PPTC7: variants seen among roughly 807,000 people sequenced by gnomAD.
PPTC7 encodes the protein protein phosphatase PTC7 homolog.
In PPTC7, 6 loss-of-function variants were observed where a neutral mutation model predicts 30.8. That is an observed-to-expected ratio of 0.19 (90% CI 0.11 to 0.38). The LOEUF is 0.38. Among genes scored for constraint, PPTC7 ranks in the 10% least tolerant of loss-of-function variants. PPTC7 has a pLI of 1.00. For synonymous variants in PPTC7, 163 were observed against 168.1 expected (o/e 0.97, Z 0.23); for missense variants, 218 against 404.8 (o/e 0.54, Z 3.96).
intron 1 of PPTC7, among the ~76,000 whole-genome samples, chr12:110,559,955 T>C (rs2064424835): frequency 6.6e-6 from 1 of 152,110 alleles, no homozygotes; most frequent in African/African-American, 2.4e-5. Flanking sequence ...CTTGAACTCC[T>C]AGGCTGAAGT....
chr12:110,572,705 T>C (rs1231607824), intron 1 of PPTC7, among the ~76,000 whole-genome samples: 3 of 152,076 alleles, frequency 2.0e-5, no homozygotes, highest in Non-Finnish European at 4.4e-5. Flanking sequence ...ATTCTAGAAC[T>C]TATTCACCTC....
Position 110,582,784 on chromosome 12 carries a change from C to T in PPTC7, c.223+25G>A, listed in dbSNP as rs752713063. On this transcript the variant is annotated intron_variant, in intron 1 of 5. Coordinates refer to ENST00000354300, the MANE Select transcript of PPTC7 (RefSeq NM_139283.2). ...CCGGGAGGCGGATCCGAGGCTGGGGCAAGGGAACCGGGTCGGGGACTCACC... is the reference window on the plus strand; with the variant it reads ...CCGGGAGGCGGATCCGAGGCTGGGGTAAGGGAACCGGGTCGGGGACTCACC... The T allele has an allele frequency of 7.2e-6, 11 of 1,529,040 alleles. No individual in the cohort carries two copies. In the South Asian group the frequency reaches 7.3e-5, roughly 10 times the overall value. The allele number at this position is 1,529,040 out of a possible 1,614,324, so 94.7% of individuals were successfully genotyped here.
Position 110,559,036 on chromosome 12 carries a change from CTTTTTT to C in PPTC7, c.224-7074_224-7069del, listed in dbSNP as rs552166676. 6.3e-3 allele frequency among the ~76,000 whole-genome samples: 948 copies of C among 150,790 alleles called. 6 individuals are homozygous for C. The highest frequency in any genetic ancestry group is 9.1e-3 in the Non-Finnish European group (615 of 67,580). ...ATAGACTGATGCTTTTTCCCTTTTT[CTTTTTT>C]TAACAGCATCCTGCTCTGTCACCCA... On this transcript the variant is annotated intron_variant, in intron 1 of 5. Coordinates refer to ENST00000354300, the MANE Select transcript of PPTC7 (RefSeq NM_139283.2).
intron 4 of PPTC7, 143 bp from the exon 5 acceptor site, chr12:110,538,416 C>T: frequency 1.4e-6 from 1 of 716,234 alleles, no homozygotes; most frequent in East Asian, 2.8e-5. Flanking sequence ...AACAAGACTC[C>T]AGTGCTGCCT....
At chr12:110,549,793 A>T (rs1309988919) in intron 2 of PPTC7, among the ~76,000 whole-genome samples, 1 of 152,142 alleles carries the variant, frequency 6.6e-6, no homozygotes, top group African/African-American at 2.4e-5. Flanking sequence ...TCTCAAGTCA[A>T]AGTAAATGAT....
chr12:110,556,953 A>G (rs2064393563), intron 1 of PPTC7, among the ~76,000 whole-genome samples: 1 of 152,230 alleles, frequency 6.6e-6, no homozygotes, highest in South Asian at 2.1e-4. Context: ...GGCAGGGGTC[A>G]GCCAGATTTC....
chr12:110,544,618 G>A (rs965148768), intron 3 of PPTC7, among the ~76,000 whole-genome samples: 2 of 152,140 alleles, frequency 1.3e-5, no homozygotes, highest in African/African-American at 2.4e-5. Flanking sequence ...GGTGGATCAC[G>A]AGGTCAGGAG....
At chr12:110,537,355 ACCACAC>A (rs2064226602) in intron 5 of PPTC7, among the ~76,000 whole-genome samples, 1 of 152,120 alleles carries the variant, frequency 6.6e-6, no homozygotes, top group Non-Finnish European at 1.5e-5. Flanking sequence ...TCAAACAGCC[ACCACAC>A]CCTCTGTTCA....
intron 1 of PPTC7, among the ~76,000 whole-genome samples, chr12:110,555,214 C>T (rs1191215050): frequency 6.6e-6 from 1 of 152,208 alleles, no homozygotes; most frequent in African/African-American, 2.4e-5. Context: ...AATTGGAAGA[C>T]ATAAAGAAGG....
At chr12:110,564,772 A>ATATGTATATGTG (rs1434225254) in intron 1 of PPTC7, among the ~76,000 whole-genome samples, 1 of 139,364 alleles carries the variant, frequency 7.2e-6, no homozygotes, top group East Asian at 2.1e-4. Flanking sequence ...ATATACACGT[A>ATATGTATATGTG]TATATATACA....
chr12:110,542,019 G>A (rs2064265011), intron 3 of PPTC7, among the ~76,000 whole-genome samples: 1 of 151,740 alleles, frequency 6.6e-6, no homozygotes, highest in African/African-American at 2.4e-5. Flanking sequence ...GGTGGCGTGC[G>A]CCTATAATCC....
rs978645153 is a variant in PPTC7 at position 110,538,011 on chromosome 12, C to G, written c.856+133G>C. On this transcript the variant is annotated intron_variant, in intron 5 of 5. Coordinates refer to ENST00000354300, the MANE Select transcript of PPTC7 (RefSeq NM_139283.2). Reference sequence around the variant, plus strand: ...ACTTGCTCTCATCCTCCTGACCTTGCTGAAAGCCACAAGTGCACAGTTTGG... The same window carrying G: ...ACTTGCTCTCATCCTCCTGACCTTGGTGAAAGCCACAAGTGCACAGTTTGG... 4 of 874,802 alleles carry G rather than the reference C, an allele frequency of 4.6e-6. No individual in the cohort carries two copies. The African/African-American group carries it at 6.8e-5, about 15-fold the overall frequency. The allele number at this position is 874,802 out of a possible 1,614,324, so 54.2% of individuals were successfully genotyped here. A position where few individuals can be genotyped will look rare whatever the true frequency, so the allele number is the denominator to read the frequency against.
At chr12:110,559,730 GA>G (rs770672237) in intron 1 of PPTC7, among the ~76,000 whole-genome samples, 2,149 of 89,686 alleles carry the variant, frequency 0.024, 13 homozygotes, top group Middle Eastern at 0.075. Flanking sequence ...AGCCTCAGGG[GA>G]AAAAAAAAAA....
chr12:110,575,010 G>C (rs921939560), intron 1 of PPTC7, among the ~76,000 whole-genome samples: 2 of 142,830 alleles, frequency 1.4e-5, no homozygotes, highest in Non-Finnish European at 3.0e-5. Flanking sequence ...GGCTGGTCTT[G>C]AACTTCTGAC....
chr12:110,540,867 C>G, intron 3 of PPTC7, among the ~76,000 whole-genome samples: 1 of 151,484 alleles, frequency 6.6e-6, no homozygotes, highest in East Asian at 2.0e-4. Flanking sequence ...GCTCCGCTTC[C>G]TGGGTTCACG....
intron 2 of PPTC7, among the ~76,000 whole-genome samples, chr12:110,551,512 A>G (rs1172673293): frequency 1.3e-5 from 2 of 151,750 alleles, no homozygotes; most frequent in Non-Finnish European, 1.5e-5. Flanking sequence ...ATGCCTGGCT[A>G]ATTTTTGTAT....
Position 110,549,278 on chromosome 12 carries a change from A to C in PPTC7, c.403+2511T>G, listed in dbSNP as rs555170203. ...ATTAGTCTGTAATGCCCTTAGACCC[A>C]AACGCAGCTAGAAAGTCAAAGAAAT... is the stretch of plus-strand genomic sequence containing the variant. On this transcript the variant is annotated intron_variant, in intron 2 of 5. Coordinates refer to ENST00000354300, the MANE Select transcript of PPTC7 (RefSeq NM_139283.2). Among the ~76,000 whole-genome samples, 5 of 152,318 alleles carry C rather than the reference A, an allele frequency of 3.3e-5. No homozygotes were observed. The South Asian group carries it at 1.0e-3, about 32-fold the overall frequency.
At chr12:110,577,166 C>CAA (rs34958891) in intron 1 of PPTC7, among the ~76,000 whole-genome samples, 7,408 of 79,782 alleles carry the variant, frequency 0.093, 505 homozygotes, top group Non-Finnish European at 0.099. Context: ...GACTCTGTCT[C>CAA]AAAAAAAAAA....
chr12:110,542,174 T>G (rs2064266252), intron 3 of PPTC7, among the ~76,000 whole-genome samples: 1 of 149,968 alleles, frequency 6.7e-6, no homozygotes, highest in Non-Finnish European at 1.5e-5. Context: ...ATAGAAGAAA[T>G]ATCTGTTGCA....
Sources: allele counts gnomAD v4.1 joint callset (sites outside exome capture counted in the v4.1 genomes callset), GRCh38; gene constraint gnomAD v4.1.1; transcripts MANE v1.5; gene names NCBI Gene and HGNC (gene_info 2026-07-23, HGNC 2026-07-21).